TBC1D15: variants seen among roughly 807,000 people sequenced by gnomAD.
TBC1D15 encodes the protein TBC1 domain family member 15.
Under a neutral mutation model 95.4 loss-of-function variants are expected in TBC1D15, and 39 were observed. The ratio of observed to expected loss-of-function variants is 0.41; its 90% CI spans 0.32 to 0.53. The LOEUF is 0.53. Ranked by LOEUF, TBC1D15 falls within the 20% of genes least tolerant of loss-of-function variation. The pLI, the probability that TBC1D15 is intolerant of heterozygous loss-of-function variation, is 0.29. For synonymous variants in TBC1D15, 258 were observed against 261.3 expected, an observed-to-expected ratio of 0.99 and a Z score of 0.12; for missense variants, 733 against 794.3, an observed-to-expected ratio of 0.92 and a Z score of 0.93.
intron 12 of TBC1D15, 38 bp from the exon 13 acceptor site, chr12:71,917,660 T>C (rs780931998): frequency 1.3e-5 from 18 of 1,346,444 alleles, no homozygotes; most frequent in Non-Finnish European, 1.7e-5. Context: ...ATAAAATATT[T>C]ATTAAATATT....
chr12:71,916,550 T>A (rs757258257), intron 12 of TBC1D15, among the ~76,000 whole-genome samples: 88 of 152,200 alleles, frequency 5.8e-4, no homozygotes, highest in Non-Finnish European at 9.7e-4. Flanking sequence ...AAATTTTTTT[T>A]AAGAATGAAT....
intron 1 of TBC1D15, among the ~76,000 whole-genome samples, chr12:71,857,092 A>AT (rs138411891): frequency 0.093 from 13,893 of 149,698 alleles, 704 homozygotes; most frequent in South Asian, 0.15. Context: ...TTTAAATTTA[A>AT]TTTTTTTAAA....
At chr12:71,844,034 T>A (rs1885708930) in intron 1 of TBC1D15, among the ~76,000 whole-genome samples, 1 of 152,224 alleles carries the variant, frequency 6.6e-6, no homozygotes, top group Non-Finnish European at 1.5e-5. Flanking sequence ...CTACACAGTT[T>A]TGTCCTTGAC....
At chr12:71,879,382 G>T (rs11178977) in intron 3 of TBC1D15, among the ~76,000 whole-genome samples, 24 of 152,012 alleles carry the variant, frequency 1.6e-4, no homozygotes, top group Admixed American at 1.3e-4. Flanking sequence ...TGATCCACCC[G>T]CTTCGGTCTC....
rs3759171 is a variant in TBC1D15 at position 71,913,836 on chromosome 12, A to G, written c.1311A>G (p.Gln437=). ...CMYDFDLGYV[Q]GMSDLLSPLL... is the part of the protein sequence containing the mutation. ...TTCTTTTCTTTTTAGGATATGTTCA[A>G]GGAATGAGTGATTTACTTTCCCCTC... Residue 437 remains glutamine, a synonymous_variant, in exon 12 of 17, where the codon CAA becomes CAG. Coordinates refer to ENST00000485960, the MANE Select transcript of TBC1D15 (RefSeq NM_001146213.3). The G allele has an allele frequency of 0.35, 554,254 of 1,564,336 alleles. 122,381 individuals are homozygous for G. Among genetic ancestry groups the G allele is most frequent in the East Asian group, 0.91 (38,320 of 42,190 alleles).
chr12:71,852,211 G>T (rs931522157), intron 1 of TBC1D15, among the ~76,000 whole-genome samples: 1 of 152,184 alleles, frequency 6.6e-6, no homozygotes, highest in East Asian at 1.9e-4. Context: ...CTTTACCTGG[G>T]CCCTTTTGAG....
intron 1 of TBC1D15, among the ~76,000 whole-genome samples, chr12:71,852,530 C>T (rs1389715783): frequency 6.6e-6 from 1 of 152,172 alleles, no homozygotes; most frequent in East Asian, 1.9e-4. Flanking sequence ...TTATGTCCTG[C>T]TTACCTTTTA....
intron 1 of TBC1D15, among the ~76,000 whole-genome samples, chr12:71,860,656 T>G (rs1890173655): frequency 6.6e-6 from 1 of 152,212 alleles, no homozygotes; most frequent in Non-Finnish European, 1.5e-5. Context: ...CTTTTAGGGT[T>G]TTCTATGTGT....
intron 1 of TBC1D15, among the ~76,000 whole-genome samples, chr12:71,856,325 A>G (rs1889060395): frequency 1.3e-5 from 2 of 152,150 alleles, no homozygotes; most frequent in Admixed American, 1.3e-4. Flanking sequence ...CCGTTTTTAC[A>G]TATTGATGCC....
At chr12:71,919,669 G>T (rs866839134) in intron 14 of TBC1D15, among the ~76,000 whole-genome samples, 3 of 152,232 alleles carry the variant, frequency 2.0e-5, no homozygotes, top group Non-Finnish European at 4.4e-5. Flanking sequence ...TATCAGTTTT[G>T]TTAAATTAGT....
chr12:71,861,921 A>ACTT (rs56334049), intron 1 of TBC1D15, among the ~76,000 whole-genome samples: 60,335 of 151,494 alleles, frequency 0.4, 14,089 homozygotes, highest in African/African-American at 0.64. Context: ...TAAAAAAATT[A>ACTT]CTTAATTTCT....
At chr12:71,889,866 C>T (rs1168726769) in intron 5 of TBC1D15, among the ~76,000 whole-genome samples, 2 of 152,268 alleles carry the variant, frequency 1.3e-5, no homozygotes, top group East Asian at 3.9e-4. Flanking sequence ...TTGTTTAGCT[C>T]CCGCTTATAA....
chr12:71,919,000 T>A lies in TBC1D15; in HGVS notation c.1599+452T>A, dbSNP rs901755693. On this transcript the variant is annotated intron_variant, in intron 14 of 16. Transcript: ENST00000485960. Reference sequence around the variant, plus strand: ...AGGTTTGTTACATAGGTAAATTGCATGTTGCTGAGGTTTGGTGTGTGAATG... The same window carrying A: ...AGGTTTGTTACATAGGTAAATTGCAAGTTGCTGAGGTTTGGTGTGTGAATG... Among the ~76,000 whole-genome samples the A allele has an allele frequency of 3.9e-5, 6 of 152,280 alleles. No individual in the cohort carries two copies. The East Asian group carries it at 9.6e-4, about 24-fold the overall frequency.
chr12:71,886,878 G>A (rs927272730), intron 5 of TBC1D15, among the ~76,000 whole-genome samples: 3 of 152,174 alleles, frequency 2.0e-5, no homozygotes, highest in African/African-American at 7.2e-5. Flanking sequence ...AGTAAGCTCA[G>A]TATCGGTGTT....
At chr12:71,850,366 G>A (rs1012716466) in intron 1 of TBC1D15, 2 of 333,524 alleles carry the variant, frequency 6.0e-6, no homozygotes, top group Non-Finnish European at 1.2e-5. Context: ...ATGTGGAGCC[G>A]GCGGGGTTCG....
intron 11 of TBC1D15, 79 bp downstream of exon 11, chr12:71,907,217 T>C: frequency 1.2e-6 from 1 of 828,044 alleles, no homozygotes; most frequent in Non-Finnish European, 1.8e-6. Flanking sequence ...CAGTTAGACA[T>C]GGGTAATAGC....
intron 16 of TBC1D15, among the ~76,000 whole-genome samples, chr12:71,922,068 C>T (rs938282283): frequency 2.6e-5 from 4 of 152,124 alleles, no homozygotes; most frequent in Admixed American, 6.5e-5. Flanking sequence ...TGCATGCACA[C>T]CACTGTGCCC....
At chr12:71,851,013 GAAAT>G (rs1430483256) in intron 1 of TBC1D15, among the ~76,000 whole-genome samples, 5 of 129,000 alleles carry the variant, frequency 3.9e-5, no homozygotes, top group Non-Finnish European at 6.7e-5. Context: ...AAAAAAGAAA[GAAAT>G]ACCTGAGACT....
intron 13 of TBC1D15, 71 bp downstream of exon 13, chr12:71,917,868 CT>C: frequency 9.4e-7 from 1 of 1,062,656 alleles, no homozygotes; most frequent in Non-Finnish European, 1.4e-6. Flanking sequence ...GTAAAGAACT[CT>C]TTAAAGAAGC....
Sources: allele counts gnomAD v4.1 joint callset (sites outside exome capture counted in the v4.1 genomes callset), GRCh38; gene constraint gnomAD v4.1.1; transcripts MANE v1.5; gene names NCBI Gene and HGNC (gene_info 2026-07-23, HGNC 2026-07-21).